The following WWOX variants were observed in gnomAD, a reference collection of about 807,000 sequenced individuals.
WWOX encodes the protein WW domain-containing oxidoreductase.
A neutral mutation model predicts 46.2 loss-of-function variants in WWOX; 69 were observed. That is an observed-to-expected ratio of 1.49 (90% CI 1.23 to 1.82). The LOEUF (loss-of-function observed/expected upper bound fraction) is 1.82, where lower values mean the gene tolerates loss of function less well. WWOX is among the 40% of genes most tolerant of loss of function. The pLI is 0.00. For missense variants in WWOX, 919 were observed against 542.6 expected, an observed-to-expected ratio of 1.69 and a Z score of -6.89; for synonymous variants, 359 against 202.6, an observed-to-expected ratio of 1.77 and a Z score of -6.56.
rs147955877 is a variant in WWOX, at chr16:78,369,071, T to A, written c.517-17789T>A. On this transcript the variant is annotated intron_variant, in intron 5 of 8. Transcript: ENST00000566780. ...ATCCTTTTTCTTTCCCTTTTTTTTT[T>A]AACTATTCTTCTTTAGAGTTTGTTT... Among the ~76,000 whole-genome samples the A allele has an allele frequency of 6.4e-3, 973 of 152,152 alleles. 29 individuals are homozygous for A. Among genetic ancestry groups the A allele is most frequent in the Admixed American group, 0.045 (689 of 15,274 alleles).
chr16:78,874,076 C>T (rs1344369170), intron 8 of WWOX, among the ~76,000 whole-genome samples: 1 of 150,676 alleles, frequency 6.6e-6, no homozygotes, highest in Non-Finnish European at 1.5e-5. Context: ...CCTGACCAAC[C>T]CTGTCTCTAC....
intron 8 of WWOX, among the ~76,000 whole-genome samples, chr16:78,783,054 C>G (rs1222928597): frequency 3.3e-5 from 5 of 152,254 alleles, no homozygotes; most frequent in East Asian, 1.9e-4. Flanking sequence ...CACTTAAACT[C>G]AATATGGAAA....
intron 5 of WWOX, among the ~76,000 whole-genome samples, chr16:78,298,264 A>C (rs2079974450): frequency 6.6e-6 from 1 of 152,178 alleles, no homozygotes; most frequent in Admixed American, 6.5e-5. Flanking sequence ...AACAGCCTGC[A>C]GACTGGGCCA....
At chr16:78,598,348 C>T (rs1245303412) in intron 8 of WWOX, among the ~76,000 whole-genome samples, 1 of 152,182 alleles carries the variant, frequency 6.6e-6, no homozygotes, top group Non-Finnish European at 1.5e-5. Context: ...TTTCAAATGA[C>T]TGCTTATTTT....
intron 8 of WWOX, among the ~76,000 whole-genome samples, chr16:78,855,014 C>T (rs181486677): frequency 1.2e-3 from 179 of 150,368 alleles, no homozygotes; most frequent in African/African-American, 4.2e-3. Flanking sequence ...TTAAAAAAAT[C>T]AGTATGATTC....
intron 8 of WWOX, among the ~76,000 whole-genome samples, chr16:78,634,281 A>T (rs2046510982): frequency 6.6e-6 from 1 of 152,194 alleles, no homozygotes; most frequent in Non-Finnish European, 1.5e-5. Context: ...TTATAAATGG[A>T]TGCTGAAATG....
At chr16:78,824,020 C>T (rs60970613) in intron 8 of WWOX, among the ~76,000 whole-genome samples, 2,869 of 152,150 alleles carry the variant, frequency 0.019, 73 homozygotes, top group African/African-American at 0.06. Flanking sequence ...AGCAATCCTC[C>T]TGCCTTGATA....
intron 8 of WWOX, among the ~76,000 whole-genome samples, chr16:78,493,566 G>A (rs912958001): frequency 1.3e-5 from 2 of 152,132 alleles, no homozygotes; most frequent in Non-Finnish European, 2.9e-5. Context: ...TGTTTAAGGA[G>A]AATTATTCTT....
chr16:78,411,849 T>A (rs2082688520), intron 6 of WWOX, among the ~76,000 whole-genome samples: 1 of 152,182 alleles, frequency 6.6e-6, no homozygotes, highest in African/African-American at 2.4e-5. Flanking sequence ...GGGATGGGGA[T>A]TCTTGTTCCT....
At chr16:78,816,980 T>C (rs1055049719) in intron 8 of WWOX, among the ~76,000 whole-genome samples, 1 of 152,092 alleles carries the variant, frequency 6.6e-6, no homozygotes, top group African/African-American at 2.4e-5. Flanking sequence ...GGGCCTGAGC[T>C]ATTGCCCAAA....
intron 8 of WWOX, among the ~76,000 whole-genome samples, chr16:78,772,700 A>G (rs1220652887): frequency 2.4e-4 from 37 of 152,178 alleles, no homozygotes; most frequent in Non-Finnish European, 1.5e-5. Flanking sequence ...CTCATTCCAC[A>G]GGAGGGGAAC....
chr16:78,737,892 A>G (rs1050786354), intron 8 of WWOX, among the ~76,000 whole-genome samples: 6 of 152,140 alleles, frequency 3.9e-5, no homozygotes, highest in African/African-American at 1.2e-4. Flanking sequence ...TCCAAAGGCC[A>G]TGAGTTCCCA....
At chr16:78,391,207 G>A (rs754445342) in intron 6 of WWOX, among the ~76,000 whole-genome samples, 1 of 152,196 alleles carries the variant, frequency 6.6e-6, no homozygotes, top group Non-Finnish European at 1.5e-5. Flanking sequence ...AGGCTGCAAA[G>A]GAGGCTGTTG....
At chr16:78,176,946 C>A (rs35303065) in intron 5 of WWOX, among the ~76,000 whole-genome samples, 13 of 152,220 alleles carry the variant, frequency 8.5e-5, no homozygotes, top group Admixed American at 7.2e-4. Flanking sequence ...TGGTGCTACT[C>A]AAAGCATGGT....
chr16:78,506,434 C>T (rs62036410), intron 8 of WWOX: 37,342 of 152,080 alleles, frequency 0.25, 5,684 homozygotes, highest in African/African-American at 0.43. Flanking sequence ...ATTCCTTTGA[C>T]TCCCTCCACC....
intron 8 of WWOX, among the ~76,000 whole-genome samples, chr16:79,080,645 C>T (rs1231466365): frequency 1.3e-5 from 2 of 152,156 alleles, no homozygotes; most frequent in Non-Finnish European, 2.9e-5. Context: ...GTCCAGTCAT[C>T]TGTATCCGGC....
chr16:78,687,667 C>T (rs983114855), intron 8 of WWOX, among the ~76,000 whole-genome samples: 2 of 152,200 alleles, frequency 1.3e-5, no homozygotes, highest in Non-Finnish European at 2.9e-5. Context: ...GCCTCTATTA[C>T]ACAGTACTAG....
intron 8 of WWOX, among the ~76,000 whole-genome samples, chr16:78,936,776 C>T (rs1190453333): frequency 6.6e-6 from 1 of 152,038 alleles, no homozygotes; most frequent in African/African-American, 2.4e-5. Flanking sequence ...AAAAAAAAGT[C>T]AGTGCTACCG....
At chr16:79,099,574 G>A (rs563107966) in intron 8 of WWOX, among the ~76,000 whole-genome samples, 6 of 143,316 alleles carry the variant, frequency 4.2e-5, no homozygotes, top group Non-Finnish European at 6.0e-5. Context: ...TTGTGTGTGC[G>A]TGTGTGTGTG....
Sources: allele counts gnomAD v4.1 joint callset (sites outside exome capture counted in the v4.1 genomes callset), GRCh38; gene constraint gnomAD v4.1.1; transcripts MANE v1.5; gene names NCBI Gene and HGNC (gene_info 2026-07-23, HGNC 2026-07-21).